The following GABRB2 variants were observed in gnomAD, a reference collection of about 807,000 sequenced individuals.
The protein encoded by GABRB2 is gamma-aminobutyric acid receptor subunit beta-2.
GABRB2 carries 16 observed loss-of-function variants against 54.7 expected under a neutral mutation model. That is an observed-to-expected ratio of 0.29 (90% CI 0.20 to 0.44). GABRB2 has a LOEUF of 0.44. Among genes scored for constraint, GABRB2 ranks in the 20% least tolerant of loss-of-function variants. The pLI is 1.00. For synonymous variants in GABRB2, 244 were observed against 233.8 expected (o/e 1.04, Z -0.40); for missense variants, 355 against 644.0 (o/e 0.55, Z 4.86).
intron 5 of GABRB2, among the ~76,000 whole-genome samples, chr5:161,410,768 C>T (rs1054309636): frequency 6.6e-6 from 1 of 152,214 alleles, no homozygotes; most frequent in Non-Finnish European, 1.5e-5. Context: ...AAATATCTCT[C>T]GCGAAGAGTT....
chr5:161,440,774 T>TA (rs1315513122), intron 4 of GABRB2, among the ~76,000 whole-genome samples: 5 of 151,972 alleles, frequency 3.3e-5, no homozygotes, highest in Admixed American at 6.6e-5. Flanking sequence ...AACAGACACA[T>TA]AGACAAATGG....
intron 3 of GABRB2, among the ~76,000 whole-genome samples, chr5:161,526,591 C>T (rs1760289425): frequency 6.6e-6 from 1 of 150,762 alleles, no homozygotes. Context: ...TTCTATAAGA[C>T]ATCCAAAGCA....
intron 9 of GABRB2, among the ~76,000 whole-genome samples, chr5:161,295,503 C>T (rs1757357967): frequency 6.6e-6 from 1 of 151,908 alleles, no homozygotes; most frequent in Non-Finnish European, 1.5e-5. Flanking sequence ...ATACCAATTA[C>T]CAGTAAAATT....
chr5:161,313,952 C>A (rs1390214882), intron 9 of GABRB2, among the ~76,000 whole-genome samples: 1 of 152,206 alleles, frequency 6.6e-6, no homozygotes, highest in African/African-American at 2.4e-5. Context: ...ATTTGCTGAT[C>A]AACACATTGG....
chr5:161,446,374 T>C (rs1411468556), intron 4 of GABRB2, among the ~76,000 whole-genome samples: 1 of 152,184 alleles, frequency 6.6e-6, no homozygotes, highest in South Asian at 2.1e-4. Flanking sequence ...TTTTCTGGCT[T>C]CTTTCTGGAA....
chr5:161,463,704 A>T (rs945122732), intron 3 of GABRB2, among the ~76,000 whole-genome samples: 1 of 149,362 alleles, frequency 6.7e-6, no homozygotes, highest in African/African-American at 2.5e-5. Flanking sequence ...ACTTACTAAT[A>T]CTACCACTGT....
At chr5:161,298,009 T>C (rs1453692297) in intron 9 of GABRB2, among the ~76,000 whole-genome samples, 1 of 152,254 alleles carries the variant, frequency 6.6e-6, no homozygotes, top group African/African-American at 2.4e-5. Flanking sequence ...ATTGTGGTTT[T>C]GATTTGCATT....
At position 161,510,523 on chromosome 5, in the gene GABRB2, A is replaced by T. The variant is rs570230008; in HGVS notation, c.237+34704T>A. On this transcript the variant is annotated intron_variant, in intron 3 of 9. Coordinates refer to ENST00000393959, the MANE Select transcript of GABRB2 (RefSeq NM_001371727.1). ...TTTTTGAACATAAATCAAAAGCACA[A>T]AGTTCTCTCAGTAACCATATTTAAA... 2.7e-4 allele frequency among the ~76,000 whole-genome samples: 41 copies of T among 152,054 alleles called. No individual in the cohort carries two copies. In the South Asian group the frequency reaches 8.1e-3, roughly 30 times the overall value.
intron 3 of GABRB2, among the ~76,000 whole-genome samples, chr5:161,540,766 G>A (rs139154059): frequency 6.6e-6 from 1 of 152,252 alleles, no homozygotes; most frequent in East Asian, 1.9e-4. Flanking sequence ...CAGAGCTCAT[G>A]TGTGACTAGG....
At chr5:161,446,295 A>C (rs371074836) in intron 4 of GABRB2, among the ~76,000 whole-genome samples, 1 of 152,132 alleles carries the variant, frequency 6.6e-6, no homozygotes, top group East Asian at 1.9e-4. Flanking sequence ...AAATGAATTA[A>C]AGCTTCAGTG....
intron 4 of GABRB2, among the ~76,000 whole-genome samples, chr5:161,435,669 C>T (rs1411280945): frequency 1.3e-5 from 2 of 152,116 alleles, no homozygotes; most frequent in Non-Finnish European, 2.9e-5. Context: ...TAAGTTAGTA[C>T]AGGATGGTGG....
At chr5:161,323,222 C>G (rs1758265763) in intron 9 of GABRB2, among the ~76,000 whole-genome samples, 1 of 152,056 alleles carries the variant, frequency 6.6e-6, no homozygotes, top group Non-Finnish European at 1.5e-5. Flanking sequence ...ATGGTTTCAC[C>G]ATGTTGGCCA....
chr5:161,420,232 C>CA (rs889966268), intron 4 of GABRB2, among the ~76,000 whole-genome samples: 110 of 147,452 alleles, frequency 7.5e-4, no homozygotes, highest in South Asian at 7.0e-3. Context: ...TTAACAAATG[C>CA]AAAAAAAAAA....
intron 3 of GABRB2, among the ~76,000 whole-genome samples, chr5:161,503,234 T>A (rs1019073216): frequency 6.6e-6 from 1 of 151,584 alleles, no homozygotes; most frequent in South Asian, 2.1e-4. Context: ...TATAATAAGA[T>A]AACAGATGGG....
At position 161,498,462 on chromosome 5, in the gene GABRB2, A is replaced by G. The variant is rs191838851; in HGVS notation, c.238-38618T>C. On this transcript the variant is annotated intron_variant, in intron 3 of 9. Coordinates refer to ENST00000393959, the MANE Select transcript of GABRB2 (RefSeq NM_001371727.1). The stretch of plus-strand genomic sequence containing the variant: ...CCGTATTTTGGTTGAACAGCTGTCC[A>G]TGAAGTTGCACTCACCAAATCAAGA... Among the ~76,000 whole-genome samples, 26 of 152,218 alleles carry G rather than the reference A, an allele frequency of 1.7e-4. No homozygotes were observed. The East Asian group carries it at 1.9e-3, about 11-fold the overall frequency.
At chr5:161,513,919 A>G (rs1333965344) in intron 3 of GABRB2, among the ~76,000 whole-genome samples, 1 of 152,172 alleles carries the variant, frequency 6.6e-6, no homozygotes, top group East Asian at 1.9e-4. Flanking sequence ...ATGAAGCTGG[A>G]GATGAGCTAT....
At chr5:161,464,684 C>A (rs1758223855) in intron 3 of GABRB2, among the ~76,000 whole-genome samples, 1 of 152,102 alleles carries the variant, frequency 6.6e-6, no homozygotes, top group Non-Finnish European at 1.5e-5. Context: ...AATTGGAATG[C>A]ATCCCTGAAA....
At chr5:161,519,522 T>C (rs1011720906) in intron 3 of GABRB2, among the ~76,000 whole-genome samples, 1 of 152,144 alleles carries the variant, frequency 6.6e-6, no homozygotes, top group Non-Finnish European at 1.5e-5. Flanking sequence ...AAGCCTCACA[T>C]TGAACCCTCT....
At chr5:161,503,769 A>T (rs545427543) in intron 3 of GABRB2, among the ~76,000 whole-genome samples, 1 of 152,170 alleles carries the variant, frequency 6.6e-6, no homozygotes, top group Admixed American at 6.5e-5. Context: ...TCAGACAGAG[A>T]TTGTCAAACT....
Sources: gnomAD v4.1 joint callset for allele counts (sites outside exome capture counted in the v4.1 genomes callset) on GRCh38, gnomAD v4.1.1 for gene constraint, MANE v1.5 for transcripts, NCBI Gene and HGNC (gene_info 2026-07-23, HGNC 2026-07-21) for gene names.